The following HBEGF variants were observed in gnomAD, a reference collection of about 807,000 sequenced individuals.
HBEGF encodes heparin binding EGF like growth factor.
In HBEGF, 8 loss-of-function variants were observed where a neutral mutation model predicts 19.5. The ratio of observed to expected loss-of-function variants is 0.41; its 90% CI spans 0.24 to 0.74. The LOEUF (loss-of-function observed/expected upper bound fraction) is 0.74, where lower values mean the gene tolerates loss of function less well. HBEGF is among the 30% of genes least tolerant of loss of function. The pLI is 0.32. For missense variants in HBEGF, 207 were observed against 256.9 expected, an observed-to-expected ratio of 0.81 and a Z score of 1.33; for synonymous variants, 97 against 108.9, an observed-to-expected ratio of 0.89 and a Z score of 0.68.
At chr5:140,336,828 CTT>C (rs1160533557) in intron 3 of HBEGF, among the ~76,000 whole-genome samples, 9 of 129,812 alleles carry the variant, frequency 6.9e-5, no homozygotes, top group Non-Finnish European at 1.1e-4. Context: ...TTTTCTTTTT[CTT>C]TTTTTTTTTT....
Position 140,340,626 on chromosome 5 carries a change from C to CAAAGAA in HBEGF, c.398+2003_398+2008dup, listed in dbSNP as rs575143691. Among the ~76,000 whole-genome samples the CAAAGAA allele has an allele frequency of 1.7e-3, 227 of 137,310 alleles. 1 individual carries two copies. Among genetic ancestry groups the CAAAGAA allele is most frequent in the Non-Finnish European group, 2.9e-3 (179 of 62,448 alleles). The allele number at this position is 137,310 out of a possible 152,430, so 90.1% of individuals were successfully genotyped here. ...AAAAAGAAAGAAAGAAAGAAAAGAA[C>CAAAGAA]AAAGAAAAAGAAAATTCTGCCCAAG... is the stretch of plus-strand genomic sequence containing the variant. On this transcript the variant is annotated intron_variant, in intron 3 of 5. Transcript: ENST00000230990.
intron 4 of HBEGF, 33 bp from the exon 5 acceptor site, chr5:140,334,781 CCTG>C: frequency 3.3e-6 from 5 of 1,519,536 alleles, no homozygotes; most frequent in Non-Finnish European, 4.6e-6. Flanking sequence ...ATAAGCCCTG[CCTG>C]CTATGACAAA....
chr5:140,337,259 G>A (rs544408230), intron 3 of HBEGF, among the ~76,000 whole-genome samples: 299 of 152,284 alleles, frequency 2.0e-3, no homozygotes, highest in African/African-American at 7.0e-3. Flanking sequence ...TTTGATATAA[G>A]TAGGAGCCCT....
intron 3 of HBEGF, among the ~76,000 whole-genome samples, chr5:140,336,827 T>C (rs1056657434): frequency 1.2e-4 from 17 of 147,538 alleles, no homozygotes; most frequent in Non-Finnish European, 2.2e-4. Flanking sequence ...TTTTTCTTTT[T>C]CTTTTTTTTT....
chr5:140,337,693 G>T (rs573546333), intron 3 of HBEGF, among the ~76,000 whole-genome samples: 11 of 152,202 alleles, frequency 7.2e-5, no homozygotes, highest in African/African-American at 2.6e-4. Flanking sequence ...TGGGTACTTC[G>T]AGAAACCACC....
intron 3 of HBEGF, among the ~76,000 whole-genome samples, chr5:140,337,377 C>T (rs1268361978): frequency 1.3e-5 from 2 of 152,208 alleles, no homozygotes; most frequent in African/African-American, 4.8e-5. Context: ...CCCACTCACA[C>T]CTGACAACTG....
intron 2 of HBEGF, among the ~76,000 whole-genome samples, chr5:140,343,563 G>A (rs993926678): frequency 6.6e-6 from 1 of 152,166 alleles, no homozygotes; most frequent in Non-Finnish European, 1.5e-5. Context: ...GGGTGTACAA[G>A]GGATAGAAAA....
At position 140,346,186 on chromosome 5, in the gene HBEGF, G is replaced by A; in HGVS notation, c.46+97C>T. On this transcript the variant is annotated intron_variant, in intron 1 of 5. Transcript: ENST00000230990. This position sits in a 1 kb window ranked among gnomAD's most constrained non-coding sequence, Gnocchi z 6.1. ...CGCCAGAGCGCAAGGGCCCCACCAA[G>A]TGGCCCGTGCCGGGTGCGCTGCGGC... 3 of 1,557,172 alleles carry A rather than the reference G, an allele frequency of 1.9e-6. No homozygotes were observed. The South Asian group carries it at 3.5e-5, about 18-fold the overall frequency.
At chr5:140,344,704 A>C (rs1329512556) in intron 2 of HBEGF, among the ~76,000 whole-genome samples, 4 of 151,830 alleles carry the variant, frequency 2.6e-5, no homozygotes, top group African/African-American at 9.7e-5. Context: ...GGTCAGAGGA[A>C]CCCAGTGACC....
chr5:140,343,056 T>A, intron 2 of HBEGF: 2 of 507,750 alleles, frequency 3.9e-6, no homozygotes, highest in Non-Finnish European at 7.1e-6. Flanking sequence ...CATTTCACAG[T>A]CTCTGTGTAA....
intron 2 of HBEGF, among the ~76,000 whole-genome samples, chr5:140,343,817 A>AGG (rs1351027091): frequency 2.6e-5 from 4 of 152,228 alleles, no homozygotes; most frequent in Non-Finnish European, 2.9e-5. Flanking sequence ...CTAGAGACTT[A>AGG]GAGTCTCAAG....
At position 140,344,150 on chromosome 5, in the gene HBEGF, A is replaced by G. The variant is rs1271708687; in HGVS notation, c.221-1338T>C. Reference sequence around the variant, plus strand: ...GAGACTATGTTTAAAAAAAAAAAAAAGAAAAAAAGAAAAAACTCATGGCAG... The same window carrying G: ...GAGACTATGTTTAAAAAAAAAAAAAGGAAAAAAAGAAAAAACTCATGGCAG... On this transcript the variant is annotated intron_variant, in intron 2 of 5. Coordinates refer to ENST00000230990, the MANE Select transcript of HBEGF (RefSeq NM_001945.3). 9.2e-5 allele frequency among the ~76,000 whole-genome samples: 14 copies of G among 151,912 alleles called. No individual in the cohort carries two copies. In the East Asian group the frequency reaches 2.7e-3, roughly 29 times the overall value.
rs201280891 is a variant in HBEGF, at chr5:140,342,755, T to C, written c.278A>G (p.Lys93Arg). The C allele has an allele frequency of 2.2e-5, 36 of 1,614,242 alleles. No individual in the cohort carries two copies. In the East Asian group the frequency reaches 6.9e-4, roughly 31 times the overall value. The stretch of plus-strand genomic sequence containing the variant: ...TAGCCCCTTGCCTTTCTTCTTTCTT[T>C]TCCCGTGCTCCTCCTTGTTTGGTGT... ...LATPNKEEHGKRKKKGKGLGK... is the reference protein window; with the variant it reads ...LATPNKEEHGRRKKKGKGLGK... Residue 93 changes from lysine to arginine, a missense_variant, in exon 3 of 6, where the codon AAA (lysine) becomes AGA (arginine). Physicochemically the swap from Lys to Arg is conservative, Grantham distance 26. Around this residue, in one of 3 missense-constraint regions of HBEGF, gnomAD observed 127 missense variants for 132.7 expected, o/e 0.96. Coordinates refer to ENST00000230990, the MANE Select transcript of HBEGF (RefSeq NM_001945.3).
intron 2 of HBEGF, among the ~76,000 whole-genome samples, chr5:140,343,341 G>T (rs1766344296): frequency 6.6e-6 from 1 of 152,178 alleles, no homozygotes. Flanking sequence ...TGTTCAGGTG[G>T]TCTCTTCTGG....
At position 140,343,517 on chromosome 5, in the gene HBEGF, A is replaced by G. The variant is rs1766347036; in HGVS notation, c.221-705T>C. ...AAGATTCATTCATATTTAACCCCCA[A>G]TGTCCTGTTTATAGCTCTCTGGATT... On this transcript the variant is annotated intron_variant, in intron 2 of 5. Coordinates refer to ENST00000230990, the MANE Select transcript of HBEGF (RefSeq NM_001945.3). 3.9e-5 allele frequency among the ~76,000 whole-genome samples: 6 copies of G among 152,170 alleles called. 1 individual carries two copies. Among genetic ancestry groups the G allele is most frequent in the Admixed American group, 3.9e-4 (6 of 15,274 alleles).
At chr5:140,343,051 C>A in intron 2 of HBEGF, 1 of 519,816 alleles carries the variant, frequency 1.9e-6, no homozygotes, top group Non-Finnish European at 3.4e-6. Flanking sequence ...GAAGGCATTT[C>A]ACAGTCTCTG....
In HBEGF at chr5:140,342,157, C is replaced by A. The variant is rs373499999; in HGVS notation, c.398+478G>T. ...TCCCTCTCTGTACAGTCCTGCCATG[C>A]CTCACAGTCAATCCACATTTGCACA... On this transcript the variant is annotated intron_variant, in intron 3 of 5. Transcript: ENST00000230990. Among the ~76,000 whole-genome samples, 44 of 152,298 alleles carry A rather than the reference C, an allele frequency of 2.9e-4. No individual in the cohort carries two copies. The East Asian group carries it at 4.1e-3, about 14-fold the overall frequency.
At chr5:140,338,656 C>A (rs1766263647) in intron 3 of HBEGF, among the ~76,000 whole-genome samples, 2 of 152,156 alleles carry the variant, frequency 1.3e-5, no homozygotes, top group African/African-American at 4.8e-5. Context: ...CCTCCCTTTG[C>A]AGACAACTCC....
chr5:140,334,400 G>C (rs1766196833), intron 5 of HBEGF, 120 bp from the exon 6 acceptor site: 1 of 474,480 alleles, frequency 2.1e-6, no homozygotes, highest in East Asian at 3.5e-5. Flanking sequence ...CTGTCTCCCA[G>C]GGGAGGAGAG....
Sources: allele counts gnomAD v4.1 joint callset (sites outside exome capture counted in the v4.1 genomes callset), GRCh38; gene constraint gnomAD v4.1.1; regional missense constraint gnomAD v4.1.1; non-coding constraint Gnocchi (gnomAD v3.1); transcripts MANE v1.5; gene names NCBI Gene and HGNC (gene_info 2026-07-23, HGNC 2026-07-21).